The following PIBF1 variants were observed in gnomAD, a reference collection of about 807,000 sequenced individuals.
The protein encoded by PIBF1 is progesterone-induced-blocking factor 1.
A neutral mutation model predicts 112.5 loss-of-function variants in PIBF1; 90 were observed. The observed-to-expected ratio is 0.80, with a 90% CI of 0.67 to 0.95. The LOEUF is 0.95. Among genes scored for constraint, PIBF1 ranks in the 40% least tolerant of loss-of-function variants. PIBF1 has a pLI of 0.00. For synonymous variants in PIBF1, 301 were observed against 288.6 expected (o/e 1.04, Z -0.44); for missense variants, 915 against 852.3 (o/e 1.07, Z -0.92).
At chr13:72,805,448 TACTA>T (rs1328216599) in intron 5 of PIBF1, among the ~76,000 whole-genome samples, 2 of 152,280 alleles carry the variant, frequency 1.3e-5, no homozygotes, top group African/African-American at 2.4e-5. Context: ...GGCCTGAAGT[TACTA>T]ACTTTTAATA....
intron 10 of PIBF1, among the ~76,000 whole-genome samples, chr13:72,858,074 T>A (rs2038521112): frequency 6.7e-6 from 1 of 149,648 alleles, no homozygotes; most frequent in South Asian, 2.1e-4. Flanking sequence ...TTATGTGAGA[T>A]GGAGTCTCAC....
chr13:72,814,960 T>C (rs1278033800), intron 5 of PIBF1, among the ~76,000 whole-genome samples: 1 of 152,298 alleles, frequency 6.6e-6, no homozygotes, highest in East Asian at 1.9e-4. Flanking sequence ...ACAGTTACCA[T>C]AGAGGTATTA....
At chr13:72,974,922 A>C (rs2042982253) in intron 16 of PIBF1, among the ~76,000 whole-genome samples, 1 of 152,192 alleles carries the variant, frequency 6.6e-6, no homozygotes. Flanking sequence ...TCTACGATGA[A>C]TGAGAGTTCC....
chr13:72,897,578 C>G (rs1259905335), intron 11 of PIBF1, among the ~76,000 whole-genome samples: 1 of 152,110 alleles, frequency 6.6e-6, no homozygotes, highest in Non-Finnish European at 1.5e-5. Flanking sequence ...AGGAGACACA[C>G]CTAACACATA....
At chr13:72,826,029 C>T (rs1325477371) in intron 6 of PIBF1, among the ~76,000 whole-genome samples, 1 of 147,950 alleles carries the variant, frequency 6.8e-6, no homozygotes, top group South Asian at 2.1e-4. Flanking sequence ...CATAGCAAGA[C>T]CCCCATCTCA....
intron 5 of PIBF1, among the ~76,000 whole-genome samples, chr13:72,805,107 G>T (rs989729572): frequency 6.6e-6 from 1 of 152,102 alleles, no homozygotes; most frequent in Admixed American, 6.6e-5. Flanking sequence ...CCAAGTAGCT[G>T]GGATTACAGG....
rs372116118 is a variant in PIBF1 at position 72,923,068 on chromosome 13, A to C, written c.1730+5902A>C. On this transcript the variant is annotated intron_variant, in intron 13 of 17. Transcript: ENST00000326291. ...GTAGAGACAGGACTCTGATCTACTG[A>C]AAACTGAGAAAGATCAAATAACTAA... Among the ~76,000 whole-genome samples, 273 of 152,322 alleles carry C rather than the reference A, an allele frequency of 1.8e-3. 8 individuals are homozygous for C. The South Asian group carries it at 0.053, about 30-fold the overall frequency.
Position 72,916,369 on chromosome 13 carries a change from G to A in PIBF1, c.1640-707G>A, listed in dbSNP as rs1303159457. On this transcript the variant is annotated intron_variant, in intron 12 of 17. Transcript: ENST00000326291. Reference sequence around the variant, plus strand: ...ATCACGCCATTACACTCCAGCCTGGGCAACAAGAGCGAAACTCCATCTCAA... The same window carrying A: ...ATCACGCCATTACACTCCAGCCTGGACAACAAGAGCGAAACTCCATCTCAA... Among the ~76,000 whole-genome samples, 4 of 149,096 alleles carry A rather than the reference G, an allele frequency of 2.7e-5. No individual in the cohort carries two copies. The East Asian group carries it at 6.0e-4, about 22-fold the overall frequency.
intron 10 of PIBF1, among the ~76,000 whole-genome samples, chr13:72,887,213 A>G (rs969622049): frequency 6.6e-6 from 1 of 151,960 alleles, no homozygotes; most frequent in East Asian, 1.9e-4. Context: ...AAAAGAAAAC[A>G]GTTGGTAGAA....
intron 14 of PIBF1, among the ~76,000 whole-genome samples, chr13:72,940,396 T>C (rs1359745135): frequency 6.6e-6 from 1 of 152,196 alleles, no homozygotes; most frequent in Non-Finnish European, 1.5e-5. Flanking sequence ...CTTAACATTC[T>C]CAAACTTTAT....
At chr13:72,840,666 G>T (rs2037570144) in intron 9 of PIBF1, among the ~76,000 whole-genome samples, 1 of 151,872 alleles carries the variant, frequency 6.6e-6, no homozygotes, top group African/African-American at 2.4e-5. Context: ...TGGGATTACA[G>T]GTTCGCGCCA....
intron 13 of PIBF1, 66 bp from the exon 14 acceptor site, chr13:72,931,099 C>G (rs1408722885): frequency 2.3e-6 from 2 of 885,744 alleles, no homozygotes; most frequent in Non-Finnish European, 1.8e-6. Context: ...AGTACACAAA[C>G]ACATTTTGAA....
intron 17 of PIBF1, among the ~76,000 whole-genome samples, chr13:73,003,437 T>G (rs1369982625): frequency 6.6e-6 from 1 of 151,970 alleles, no homozygotes; most frequent in Non-Finnish European, 1.5e-5. Flanking sequence ...TATTTTTTTG[T>G]AGAGACGGGG....
chr13:72,902,004 A>ATGTGTGTGTGTGTGTGTGTGTGTGTG (rs1206491287), intron 11 of PIBF1, among the ~76,000 whole-genome samples: 18 of 31,360 alleles, frequency 5.7e-4, no homozygotes, highest in South Asian at 3.0e-3. Context: ...GTGTGTATGT[A>ATGTGTGTGTGTGTGTGTGTGTGTGTG]TATGTGTGTG....
At chr13:73,001,948 A>G (rs994631596) in intron 17 of PIBF1, among the ~76,000 whole-genome samples, 3 of 151,924 alleles carry the variant, frequency 2.0e-5, no homozygotes, top group Non-Finnish European at 4.4e-5. Context: ...GCTTTTTTAT[A>G]TGTATACAAA....
intron 10 of PIBF1, among the ~76,000 whole-genome samples, chr13:72,888,963 G>A (rs1170964796): frequency 6.6e-6 from 1 of 151,982 alleles, no homozygotes; most frequent in Admixed American, 6.6e-5. Context: ...ACTTTGGAAG[G>A]CTGAGATAGG....
chr13:72,873,773 T>TA (rs56919637), intron 10 of PIBF1, among the ~76,000 whole-genome samples: 89,731 of 148,952 alleles, frequency 0.6, 27,454 homozygotes, highest in East Asian at 0.76. Flanking sequence ...TTACTCAAAA[T>TA]AAAAAAAAAA....
intron 12 of PIBF1, among the ~76,000 whole-genome samples, chr13:72,912,788 A>G (rs2040935956): frequency 6.6e-6 from 1 of 152,118 alleles, no homozygotes; most frequent in African/African-American, 2.4e-5. Flanking sequence ...GGAAGGAAAC[A>G]ATTGACTTAC....
chr13:72,959,397 A>C (rs1262204514), intron 14 of PIBF1, among the ~76,000 whole-genome samples: 1 of 152,144 alleles, frequency 6.6e-6, no homozygotes, highest in Non-Finnish European at 1.5e-5. Flanking sequence ...GGCCTTTTTC[A>C]TTCCTAGCAC....
Sources: gnomAD v4.1 joint callset for allele counts (sites outside exome capture counted in the v4.1 genomes callset) on GRCh38, gnomAD v4.1.1 for gene constraint, MANE v1.5 for transcripts, NCBI Gene and HGNC (gene_info 2026-07-23, HGNC 2026-07-21) for gene names.